Variants in ADD1 observed in about 807,000 individuals in gnomAD.
The protein encoded by ADD1 is adducin 1.
Under a neutral mutation model 80.5 loss-of-function variants are expected in ADD1, and 24 were observed. That is an observed-to-expected ratio of 0.30 (90% confidence interval 0.22 to 0.42). The LOEUF is 0.42. ADD1 is among the 10% of genes least tolerant of loss of function. The pLI, the probability that ADD1 is intolerant of heterozygous loss-of-function variation, is 1.00. For synonymous variants in ADD1, 373 were observed against 393.8 expected (o/e 0.95, Z 0.63); for missense variants, 948 against 1,019.0 (o/e 0.93, Z 0.95).
intron 1 of ADD1, among the ~76,000 whole-genome samples, chr4:2,854,030 A>G (rs1727709066): frequency 6.6e-6 from 1 of 152,098 alleles, no homozygotes; most frequent in Admixed American, 6.5e-5. Flanking sequence ...CTTGTATTCT[A>G]AAGAATATGG....
At chr4:2,860,910 C>T (rs1270970922) in intron 1 of ADD1, among the ~76,000 whole-genome samples, 3 of 151,990 alleles carry the variant, frequency 2.0e-5, no homozygotes, top group African/African-American at 7.3e-5. Context: ...GAGTCTGTGC[C>T]CTGATAGTGA....
chr4:2,902,350 G>T (rs1436899599), intron 9 of ADD1: 1 of 152,012 alleles, frequency 6.6e-6, no homozygotes, highest in Non-Finnish European at 1.5e-5. Context: ...TCAGAAATGG[G>T]AAAACTGCCA....
At position 2,928,290 on chromosome 4, in the gene ADD1, G is replaced by A. The variant is rs200594905; in HGVS notation, c.2167G>A (p.Glu723Lys). The change falls in exon 16 of 16, where the codon GAG (glutamate) becomes AAG (lysine). Residue 723 changes from glutamate to lysine, a missense_variant. Coordinates refer to ENST00000683351, the MANE Select transcript of ADD1 (RefSeq NM_001354761.2). ...EALGFPMLEK[E>K]EEAHRPPSPT... ...ACTCGGCTTCCCAATGTTAGAGAAGGAGGAGGAAGCCCATAGACCCCCAAG... is the reference window on the plus strand; with the variant it reads ...ACTCGGCTTCCCAATGTTAGAGAAGAAGGAGGAAGCCCATAGACCCCCAAG... 39 of 1,614,062 alleles carry A rather than the reference G, an allele frequency of 2.4e-5. No individual in the cohort carries two copies. The East Asian group carries it at 7.6e-4, about 31-fold the overall frequency.
rs181373430 is a variant in ADD1 at position 2,866,332 on chromosome 4, A to G, written c.-20-9564A>G. 2.4e-3 allele frequency among the ~76,000 whole-genome samples: 368 copies of G among 152,088 alleles called. 2 individuals are homozygous for G. Among genetic ancestry groups the G allele is most frequent in the African/African-American group, 8.6e-3 (357 of 41,498 alleles). ...CAGGCACGCACCATCACACCCAGCT[A>G]ATTTTTTGTGTGTGTGTATTTTTAG... On this transcript the variant is annotated intron_variant, in intron 1 of 15. Coordinates refer to ENST00000683351, the MANE Select transcript of ADD1 (RefSeq NM_001354761.2).
At position 2,909,554 on chromosome 4, in the gene ADD1, C is replaced by T. The variant is rs1029790648; in HGVS notation, c.1791+123C>T. The T allele has an allele frequency of 1.9e-5, 13 of 699,798 alleles. No homozygotes were observed. The Admixed American group carries it at 2.6e-4, about 14-fold the overall frequency. The allele number at this position is 699,798 out of a possible 1,614,324, so 43.3% of individuals were successfully genotyped here. ...AAGTAGCTTCAAATGGATCTTTAAC[C>T]TGTTTGTGAGATTGTACAGAAGGTT... is the stretch of plus-strand genomic sequence containing the variant. On this transcript the variant is annotated intron_variant, in intron 13 of 15. Transcript: ENST00000683351.
chr4:2,928,299 G>A lies in ADD1; in HGVS notation c.2176G>A (p.Ala726Thr), dbSNP rs751882384. 3.6e-5 allele frequency: 58 copies of A among 1,613,932 alleles called. No homozygotes were observed. The highest frequency in any genetic ancestry group is 4.7e-5 in the Non-Finnish European group (56 of 1,180,022). Reference protein sequence around the residue: ...GFPMLEKEEEAHRPPSPTEAP... With the variant: ...GFPMLEKEEETHRPPSPTEAP... ...CCCAATGTTAGAGAAGGAGGAGGAA[G>A]CCCATAGACCCCCAAGCCCCACTGA... Residue 726 changes from alanine to threonine, a missense_variant, in exon 16 of 16, where the codon GCC becomes ACC. Transcript: ENST00000683351.
At chr4:2,921,386 C>T (rs896254650) in intron 14 of ADD1, among the ~76,000 whole-genome samples, 3 of 152,182 alleles carry the variant, frequency 2.0e-5, no homozygotes, top group Non-Finnish European at 4.4e-5. Context: ...CCTCAGCCTC[C>T]CAAAGTGCTG....
intron 13 of ADD1, among the ~76,000 whole-genome samples, chr4:2,913,740 C>T (rs1441508020): frequency 6.6e-6 from 1 of 151,984 alleles, no homozygotes; most frequent in East Asian, 1.9e-4. Context: ...GTCAGCCCAG[C>T]TAGGACGCTC....
intron 4 of ADD1, 83 bp downstream of exon 4, chr4:2,884,749 G>C: frequency 1.4e-6 from 2 of 1,440,876 alleles, no homozygotes; most frequent in South Asian, 2.9e-5. Context: ...AGGAGAAGAG[G>C]GAAGCAGGCT....
intron 6 of ADD1, among the ~76,000 whole-genome samples, chr4:2,897,565 T>TTA (rs1329789975): frequency 4.6e-5 from 6 of 130,316 alleles, no homozygotes; most frequent in Non-Finnish European, 9.7e-5. Flanking sequence ...TTTTTTTTTT[T>TTA]AGGAGATGAG....
intron 4 of ADD1, among the ~76,000 whole-genome samples, chr4:2,885,889 C>G (rs536843330): frequency 6.6e-6 from 1 of 152,028 alleles, no homozygotes; most frequent in South Asian, 2.1e-4. Flanking sequence ...GGATTACAGG[C>G]GTGAGCCACC....
intron 1 of ADD1, among the ~76,000 whole-genome samples, chr4:2,870,489 A>G (rs1359877559): frequency 6.6e-6 from 1 of 151,836 alleles, no homozygotes; most frequent in Non-Finnish European, 1.5e-5. Flanking sequence ...GTATAATGCA[A>G]CAGAGAGTGC....
At chr4:2,878,536 A>G (rs1293534081) in intron 2 of ADD1, among the ~76,000 whole-genome samples, 1 of 152,140 alleles carries the variant, frequency 6.6e-6, no homozygotes, top group African/African-American at 2.4e-5. Flanking sequence ...TTGAGTTGAA[A>G]CTGATAGCAC....
Position 2,899,444 on chromosome 4 carries a change from G to A in ADD1, c.1161+9G>A, listed in dbSNP as rs1313708422. On this transcript the variant is annotated intron_variant, in intron 9 of 15. Transcript: ENST00000683351. ...GGATGCTCGATAATCTGGTAAGAAT[G>A]GTGCCACCACTTGATGATAAACCTT... 1.2e-6 allele frequency: 2 copies of A among 1,614,012 alleles called. No homozygotes were observed. Among genetic ancestry groups the A allele is most frequent in the Admixed American group, 1.7e-5 (1 of 59,990 alleles).
chr4:2,865,678 A>G (rs1400717478), intron 1 of ADD1, among the ~76,000 whole-genome samples: 1 of 152,120 alleles, frequency 6.6e-6, no homozygotes, highest in Non-Finnish European at 1.5e-5. Flanking sequence ...AAACTTCCCT[A>G]CCTTCCCCCT....
At chr4:2,912,379 G>A (rs1181613731) in intron 13 of ADD1, among the ~76,000 whole-genome samples, 1 of 152,192 alleles carries the variant, frequency 6.6e-6, no homozygotes, top group Non-Finnish European at 1.5e-5. Context: ...GCTGTGGTCT[G>A]TGGAGGAGGG....
At chr4:2,847,247 C>T (rs1269370401) in intron 1 of ADD1, among the ~76,000 whole-genome samples, 1 of 151,760 alleles carries the variant, frequency 6.6e-6, no homozygotes, top group Non-Finnish European at 1.5e-5. Flanking sequence ...ACAGTGAAAC[C>T]TCATCTCTAC....
chr4:2,915,056 C>A lies in ADD1; in HGVS notation c.1948+16C>A. ...GGCTCTGAAGGTGAGTGCTTGTGGT[C>A]CTGGGCACGGCCACTCCAGAAGGTG... On this transcript the variant is annotated intron_variant, in intron 14 of 15. Transcript: ENST00000683351. The A allele has an allele frequency of 6.2e-7, 1 of 1,600,788 alleles. No homozygotes were observed. The highest frequency in any genetic ancestry group is 8.5e-7 in the Non-Finnish European group (1 of 1,172,526).
intron 4 of ADD1, among the ~76,000 whole-genome samples, chr4:2,888,215 C>T (rs1231544055): frequency 6.6e-6 from 1 of 150,756 alleles, no homozygotes; most frequent in East Asian, 2.0e-4. Context: ...TGCCACCATG[C>T]GCAGGTGTGC....
Sources: gnomAD v4.1 joint callset for allele counts (sites outside exome capture counted in the v4.1 genomes callset) on GRCh38, gnomAD v4.1.1 for gene constraint, MANE v1.5 for transcripts, NCBI Gene and HGNC (gene_info 2026-07-23, HGNC 2026-07-21) for gene names.